Variants in MBTD1 observed in about 807,000 individuals in gnomAD.
The protein encoded by MBTD1 is mbt domain containing 1.
MBTD1 carries 24 observed loss-of-function variants against 87.8 expected under a neutral mutation model. The observed-to-expected ratio is 0.27, with a 90% CI of 0.20 to 0.38. The LOEUF is 0.38. Among genes scored for constraint, MBTD1 ranks in the 10% least tolerant of loss-of-function variants. The pLI is 1.00. For synonymous variants in MBTD1, 237 were observed against 248.6 expected (o/e 0.95, Z 0.44); for missense variants, 436 against 760.2 (o/e 0.57, Z 5.02).
intron 2 of MBTD1, among the ~76,000 whole-genome samples, chr17:51,258,009 A>C (rs1354316288): frequency 4.6e-4 from 7 of 15,166 alleles, no homozygotes; most frequent in African/African-American, 2.3e-3. Flanking sequence ...GAGGTGGTGC[A>C]AAAAAAAAAA....
chr17:51,222,270 G>A (rs925692225), intron 3 of MBTD1, among the ~76,000 whole-genome samples: 1 of 152,172 alleles, frequency 6.6e-6, no homozygotes, highest in African/African-American at 2.4e-5. Flanking sequence ...TTACTAGGCT[G>A]GTATGTTATA....
At chr17:51,193,558 A>G (rs371078414) in intron 13 of MBTD1, 48 bp from the exon 14 acceptor site, 5 of 1,004,182 alleles carry the variant, frequency 5.0e-6, no homozygotes, top group Non-Finnish European at 7.8e-6. Context: ...AAATTAGCAT[A>G]ATATTAAAAT....
chr17:51,255,382 T>C (rs899381011), intron 2 of MBTD1, among the ~76,000 whole-genome samples: 5 of 152,198 alleles, frequency 3.3e-5, no homozygotes, highest in African/African-American at 1.2e-4. Flanking sequence ...AACATTCTCT[T>C]GGTGTTTACC....
intron 16 of MBTD1, among the ~76,000 whole-genome samples, chr17:51,187,271 T>TA (rs908017876): frequency 5.4e-5 from 8 of 148,170 alleles, no homozygotes; most frequent in African/African-American, 7.5e-5. Flanking sequence ...CTACAAAAAA[T>TA]AAAAAAAAAT....
At chr17:51,196,485 G>GC (rs1003147336) in intron 12 of MBTD1, among the ~76,000 whole-genome samples, 70 of 151,814 alleles carry the variant, frequency 4.6e-4, no homozygotes, top group African/African-American at 1.6e-3. Context: ...TGGCCAGGCT[G>GC]CCCCCCCTTT....
intron 12 of MBTD1, among the ~76,000 whole-genome samples, chr17:51,196,158 T>G (rs991563538): frequency 1.3e-5 from 2 of 151,930 alleles, no homozygotes; most frequent in Admixed American, 6.6e-5. Flanking sequence ...GTGATCCTTC[T>G]GCCGTGGCCT....
intron 16 of MBTD1, among the ~76,000 whole-genome samples, chr17:51,182,316 G>A (rs1445049344): frequency 6.6e-6 from 1 of 151,918 alleles, no homozygotes; most frequent in Non-Finnish European, 1.5e-5. Context: ...TAGTAGAGAT[G>A]GGGTTTTGCC....
At chr17:51,249,535 T>G (rs1160525918) in intron 2 of MBTD1, 1 of 152,244 alleles carries the variant, frequency 6.6e-6, no homozygotes, top group Non-Finnish European at 1.5e-5. Flanking sequence ...CTTTTTTTGG[T>G]TTGAATTCTA....
chr17:51,195,107 T>C, intron 13 of MBTD1, 107 bp downstream of exon 13: 1 of 919,528 alleles, frequency 1.1e-6, no homozygotes, highest in Non-Finnish European at 1.6e-6. Flanking sequence ...TCCACACACA[T>C]TATATACGTA....
intron 6 of MBTD1, among the ~76,000 whole-genome samples, chr17:51,210,836 A>G (rs1228917421): frequency 6.6e-6 from 1 of 151,834 alleles, no homozygotes; most frequent in East Asian, 1.9e-4. Flanking sequence ...TTAAAAAACC[A>G]TATTAAACCA....
intron 16 of MBTD1, chr17:51,191,523 T>C (rs1217977990): frequency 6.6e-6 from 1 of 152,122 alleles, no homozygotes; most frequent in Admixed American, 6.5e-5. Flanking sequence ...AAAGTTTTGC[T>C]TTCTAGGAAA....
chr17:51,249,916 A>T (rs560377713), intron 2 of MBTD1: 1 of 152,308 alleles, frequency 6.6e-6, no homozygotes, highest in African/African-American at 2.4e-5. Context: ...ACAGTTCTAG[A>T]CAGGGTCTCA....
intron 16 of MBTD1, among the ~76,000 whole-genome samples, chr17:51,190,407 C>A (rs1196298107): frequency 1.3e-5 from 2 of 151,808 alleles, no homozygotes; most frequent in Non-Finnish European, 2.9e-5. Context: ...GCGTCCAGTC[C>A]AATTTAAAAA....
At chr17:51,207,210 T>A in intron 6 of MBTD1, among the ~76,000 whole-genome samples, 1 of 152,206 alleles carries the variant, frequency 6.6e-6, no homozygotes. Flanking sequence ...TTAGACTAGA[T>A]TCATGCTGAC....
intron 2 of MBTD1, among the ~76,000 whole-genome samples, chr17:51,232,498 TA>T (rs1171394756): frequency 1.3e-5 from 2 of 151,496 alleles, no homozygotes; most frequent in Admixed American, 1.3e-4. Flanking sequence ...TATTGAAAAA[TA>T]AGCAATATAA....
chr17:51,205,153 A>G (rs1428080112), intron 7 of MBTD1, among the ~76,000 whole-genome samples: 2 of 152,196 alleles, frequency 1.3e-5, no homozygotes, highest in Non-Finnish European at 2.9e-5. Context: ...AGGTTAGGAG[A>G]CAAGTTTAGT....
chr17:51,259,659 A>G (rs184358559), intron 1 of MBTD1, among the ~76,000 whole-genome samples, 176 bp downstream of exon 1: 35 of 145,424 alleles, frequency 2.4e-4, no homozygotes, highest in Middle Eastern at 3.5e-3. Flanking sequence ...GGGGAGGGGA[A>G]CCCCTGAATC....
At chr17:51,222,568 C>A (rs1423228922) in intron 3 of MBTD1, among the ~76,000 whole-genome samples, 1 of 151,470 alleles carries the variant, frequency 6.6e-6, no homozygotes, top group Non-Finnish European at 1.5e-5. Flanking sequence ...CCATGCCTGG[C>A]TAATTTTTTG....
upstream of MBTD1, chr17:51,260,497 G>A (rs2055411568): frequency 1.4e-6 from 2 of 1,410,674 alleles, no homozygotes; most frequent in Non-Finnish European, 9.5e-7. Context: ...CGGCCCCCGG[G>A]GCTTCGGCGG....
Sources: allele counts gnomAD v4.1 joint callset (sites outside exome capture counted in the v4.1 genomes callset), GRCh38; gene constraint gnomAD v4.1.1; transcripts MANE v1.5; gene names NCBI Gene and HGNC (gene_info 2026-07-23, HGNC 2026-07-21).